The following ZFAT variants were observed in gnomAD, a reference collection of about 807,000 sequenced individuals.
The protein encoded by ZFAT is zinc finger protein ZFAT.
Under a neutral mutation model 117.7 loss-of-function variants are expected in ZFAT, and 64 were observed. That is an observed-to-expected ratio of 0.54 (90% CI 0.44 to 0.67). ZFAT has a LOEUF of 0.67. Among genes scored for constraint, ZFAT ranks in the 30% least tolerant of loss-of-function variants. The pLI, the probability that ZFAT is intolerant of heterozygous loss-of-function variation, is 0.00. For synonymous variants in ZFAT, 679 were observed against 615.0 expected, an observed-to-expected ratio of 1.10 and a Z score of -1.54; for missense variants, 1,433 against 1,584.5, an observed-to-expected ratio of 0.90 and a Z score of 1.62.
At chr8:134,740,121 A>T in the ZFAT span, among the ~76,000 whole-genome samples, 2 of 151,768 alleles carry the variant, frequency 1.3e-5, no homozygotes, top group Non-Finnish European at 2.9e-5. Flanking sequence ...TCCCTTTCCA[A>T]TACTCTGTGG....
the ZFAT span, among the ~76,000 whole-genome samples, chr8:134,781,782 G>A: frequency 1.3e-5 from 2 of 152,024 alleles, no homozygotes; most frequent in Non-Finnish European, 2.9e-5. Context: ...CCTACTCAAC[G>A]TGAACGTGAG....
the ZFAT span, chr8:134,804,851 T>C: frequency 1.9e-6 from 1 of 534,004 alleles, no homozygotes; most frequent in East Asian, 5.5e-5. Flanking sequence ...CAGAATTATA[T>C]CAAGAGGATG....
At chr8:134,512,047 G>GTTAGGAGA (rs1400840909) in intron 14 of ZFAT, among the ~76,000 whole-genome samples, 4 of 152,344 alleles carry the variant, frequency 2.6e-5, no homozygotes, top group African/African-American at 7.2e-5. Flanking sequence ...GTGACAAGAA[G>GTTAGGAGA]TTAGGAGACC....
chr8:134,490,514 T>C (rs1817975611), intron 15 of ZFAT, among the ~76,000 whole-genome samples: 1 of 152,174 alleles, frequency 6.6e-6, no homozygotes. Flanking sequence ...GCCCAAAAGA[T>C]GCCTGTGCCT....
chr8:134,770,283 C>T, the ZFAT span, among the ~76,000 whole-genome samples: 2 of 152,178 alleles, frequency 1.3e-5, no homozygotes, highest in African/African-American at 4.8e-5. Flanking sequence ...AGTCAGGGAC[C>T]TTAAATGGAG....
chr8:134,824,586 T>C, the ZFAT span, among the ~76,000 whole-genome samples: 96 of 152,312 alleles, frequency 6.3e-4, no homozygotes, highest in Non-Finnish European at 1.0e-3. Flanking sequence ...CTTTAGAAAG[T>C]AAAATTATTA....
chr8:134,646,667 G>GA (rs769136559), intron 2 of ZFAT, among the ~76,000 whole-genome samples: 1 of 151,216 alleles, frequency 6.6e-6, no homozygotes, highest in South Asian at 2.1e-4. Context: ...GACTAACCGA[G>GA]AAAAAAAGAG....
the ZFAT span, among the ~76,000 whole-genome samples, chr8:134,730,376 T>G: frequency 6.6e-6 from 1 of 152,190 alleles, no homozygotes; most frequent in African/African-American, 2.4e-5. Flanking sequence ...CAGCCTCCCT[T>G]GGATGCTACA....
At chr8:134,658,205 CG>C (rs1831732305) in intron 1 of ZFAT, among the ~76,000 whole-genome samples, 1 of 152,042 alleles carries the variant, frequency 6.6e-6, no homozygotes, top group African/African-American at 2.4e-5. Context: ...GGCATGGCAG[CG>C]TGCACCTGTA....
At chr8:134,681,586 A>G (rs910941411) in intron 1 of ZFAT, among the ~76,000 whole-genome samples, 1 of 152,220 alleles carries the variant, frequency 6.6e-6, no homozygotes, top group Non-Finnish European at 1.5e-5. Context: ...CTCTAGATTA[A>G]ACATCTCTTA....
intron 10 of ZFAT, among the ~76,000 whole-genome samples, chr8:134,575,472 C>G (rs1300420661): frequency 1.3e-5 from 2 of 152,156 alleles, no homozygotes; most frequent in Non-Finnish European, 2.9e-5. Context: ...GACAGGTTCC[C>G]CTCCAGAGTT....
chr8:134,716,185 A>ATG (rs1484081927), upstream of ZFAT, among the ~76,000 whole-genome samples: 2 of 150,676 alleles, frequency 1.3e-5, no homozygotes, highest in African/African-American at 2.4e-5. Context: ...ACACACACAT[A>ATG]TATATATATA....
At chr8:134,641,859 A>G (rs967359785) in intron 2 of ZFAT, among the ~76,000 whole-genome samples, 4 of 152,372 alleles carry the variant, frequency 2.6e-5, no homozygotes, top group Middle Eastern at 6.8e-3. Context: ...TTAGTCAGAA[A>G]ATCATCCTTG....
chr8:134,751,229 T>C, the ZFAT span, among the ~76,000 whole-genome samples: 10 of 151,980 alleles, frequency 6.6e-5, no homozygotes, highest in African/African-American at 2.2e-4. Context: ...GAGGCTGTAG[T>C]TGAGTTGGGA....
At position 134,602,013 on chromosome 8, in the gene ZFAT, C is replaced by T. The variant is rs1827512728; in HGVS notation, c.1706G>A (p.Ser569Asn). ...CAGCTCACAGGGTGGCAGGGCTGTG[C>T]TTTCGGCCTGCGGGGAGGCCAGGTG... is the stretch of plus-strand genomic sequence containing the variant. Reference protein sequence around the residue: ...AVHLASPQAESTALPPCELET... With the variant: ...AVHLASPQAENTALPPCELET... Residue 569 changes from serine (S) to asparagine (N), a missense_variant, in exon 6 of 16, where the codon AGC becomes AAC. Coordinates refer to ENST00000377838, the MANE Select transcript of ZFAT (RefSeq NM_020863.4). The T allele has an allele frequency of 2.5e-6, 4 of 1,612,878 alleles. No individual in the cohort carries two copies. The African/African-American group carries it at 4.0e-5, about 16-fold the overall frequency.
chr8:134,645,377 T>C (rs1295025940), intron 2 of ZFAT, among the ~76,000 whole-genome samples: 1 of 152,204 alleles, frequency 6.6e-6, no homozygotes, highest in Non-Finnish European at 1.5e-5. Flanking sequence ...GACTTGAAGT[T>C]CATAATGAAA....
At chr8:134,733,299 C>A in the ZFAT span, among the ~76,000 whole-genome samples, 1 of 152,182 alleles carries the variant, frequency 6.6e-6, no homozygotes, top group African/African-American at 2.4e-5. Flanking sequence ...GTCCCCAAGT[C>A]CTCCACGGCC....
intron 1 of ZFAT, among the ~76,000 whole-genome samples, chr8:134,672,916 T>C (rs543995509): frequency 1.3e-4 from 19 of 151,976 alleles, no homozygotes; most frequent in Non-Finnish European, 1.5e-4. Flanking sequence ...ATAAAAACAA[T>C]AAATCTTAGA....
At chr8:134,690,677 A>C (rs1833544385) in intron 1 of ZFAT, among the ~76,000 whole-genome samples, 1 of 152,212 alleles carries the variant, frequency 6.6e-6, no homozygotes, top group Non-Finnish European at 1.5e-5. Context: ...GAAAAGAAGA[A>C]TTCTCCAAAC....
Sources: gnomAD v4.1 joint callset for allele counts (sites outside exome capture counted in the v4.1 genomes callset) on GRCh38, gnomAD v4.1.1 for gene constraint, MANE v1.5 for transcripts, NCBI Gene and HGNC (gene_info 2026-07-23, HGNC 2026-07-21) for gene names.